DNAJC21: variants seen among roughly 807,000 people sequenced by gnomAD.
The protein encoded by DNAJC21 is dnaJ homolog subfamily C member 21.
Under a neutral mutation model 72.4 loss-of-function variants are expected in DNAJC21, and 63 were observed. That is an observed-to-expected ratio of 0.87 (90% CI 0.71 to 1.07). The LOEUF is 1.07. Ranked by LOEUF, DNAJC21 falls within the 50% of genes least tolerant of loss-of-function variation. DNAJC21 has a pLI of 0.00. For missense variants in DNAJC21, 634 were observed against 644.8 expected, an observed-to-expected ratio of 0.98 and a Z score of 0.18; for synonymous variants, 203 against 216.7, an observed-to-expected ratio of 0.94 and a Z score of 0.56.
chr5:34,936,036 T>C, intron 3 of DNAJC21, 108 bp from the exon 4 acceptor site: 1 of 1,496,976 alleles, frequency 6.7e-7, no homozygotes, highest in African/African-American at 1.4e-5. Flanking sequence ...GACTGAACTT[T>C]GTCCCAAAAT....
intron 4 of DNAJC21, among the ~76,000 whole-genome samples, chr5:34,937,036 C>T (rs1276891842): frequency 6.6e-6 from 1 of 152,206 alleles, no homozygotes; most frequent in Non-Finnish European, 1.5e-5. Context: ...CAGGCGTGAG[C>T]CACCATGCCT....
chr5:34,946,000 C>CATA (rs1158514157), intron 9 of DNAJC21, among the ~76,000 whole-genome samples, 197 bp downstream of exon 9: 1 of 151,944 alleles, frequency 6.6e-6, no homozygotes, highest in African/African-American at 2.4e-5. Context: ...TAATAACAAA[C>CATA]TTAATTATGA....
chr5:34,941,249 G>A, intron 7 of DNAJC21, 66 bp downstream of exon 7: 1 of 1,431,596 alleles, frequency 7.0e-7, no homozygotes, highest in Non-Finnish European at 9.7e-7. Context: ...CAAGGCAGGA[G>A]TGCAGTGGCA....
intron 10 of DNAJC21, chr5:34,951,387 C>T (rs1765359024): frequency 1.0e-6 from 1 of 985,340 alleles, no homozygotes; most frequent in Non-Finnish European, 1.2e-6. Flanking sequence ...ATCTGCCTGA[C>T]AACTTGAAGG....
intron 4 of DNAJC21, 89 bp from the exon 5 acceptor site, chr5:34,937,237 G>A (rs1764809237): frequency 2.2e-6 from 3 of 1,347,462 alleles, no homozygotes; most frequent in East Asian, 4.7e-5. Flanking sequence ...AAAAAGAAAG[G>A]TAAAAGATGT....
At chr5:34,939,468 T>C (rs111245834) in intron 6 of DNAJC21, among the ~76,000 whole-genome samples, 2 of 151,932 alleles carry the variant, frequency 1.3e-5, no homozygotes, top group African/African-American at 2.4e-5. Flanking sequence ...GGTTTCACCT[T>C]GTTAGCCAGG....
At chr5:34,948,932 G>T (rs916697836) in intron 9 of DNAJC21, among the ~76,000 whole-genome samples, 3 of 151,930 alleles carry the variant, frequency 2.0e-5, no homozygotes, top group African/African-American at 7.3e-5. Context: ...ATTAGTACAA[G>T]TGCAAATGAC....
intron 9 of DNAJC21, chr5:34,949,416 C>G: frequency 7.0e-7 from 1 of 1,419,912 alleles, no homozygotes; most frequent in Middle Eastern, 2.2e-4. Context: ...ATTACACCCC[C>G]TATCCTGTAT....
chr5:34,953,568 T>C (rs1053223438), intron 10 of DNAJC21: 6 of 156,712 alleles, frequency 3.8e-5, no homozygotes, highest in Admixed American at 1.3e-4. Flanking sequence ...TGGCAGTGTT[T>C]TTATGAAAAC....
In DNAJC21 at chr5:34,940,927, T is replaced by A. The variant is rs1169380077; in HGVS notation, c.896-169T>A. 2.6e-5 allele frequency among the ~76,000 whole-genome samples: 4 copies of A among 152,206 alleles called. No homozygotes were observed. The East Asian group carries it at 7.7e-4, about 29-fold the overall frequency. ...AACTTGAAAGTTAAGGTGCTTTATT[T>A]GGAGCCTTTCCTTATAGTACAGTGC... On this transcript the variant is annotated intron_variant, in intron 6 of 11. Transcript: ENST00000648817.
Position 34,950,749 on chromosome 5 carries a change from T to C in DNAJC21, c.1358+407T>C, listed in dbSNP as rs1049823096. On this transcript the variant is annotated intron_variant, in intron 10 of 11. Transcript: ENST00000648817. ...CAGCCTGTGTTGGGCCCCACCATGT[T>C]GTGAGGACACATGGCAGCAGCTGGG... The C allele has an allele frequency of 1.1e-5, 11 of 989,236 alleles. No individual in the cohort carries two copies. The African/African-American group carries it at 1.9e-4, about 17-fold the overall frequency. The allele number at this position is 989,236 out of a possible 1,614,324, so 61.3% of individuals were successfully genotyped here. A position where few individuals can be genotyped will look rare whatever the true frequency, so the allele number is the denominator to read the frequency against.
intron 4 of DNAJC21, among the ~76,000 whole-genome samples, chr5:34,936,749 T>C (rs1235950024): frequency 6.6e-6 from 1 of 152,266 alleles, no homozygotes; most frequent in African/African-American, 2.4e-5. Context: ...ATTTTTTATT[T>C]TATTTGTTTA....
chr5:34,939,251 A>G (rs994348430), intron 6 of DNAJC21, among the ~76,000 whole-genome samples: 2 of 152,048 alleles, frequency 1.3e-5, no homozygotes, highest in Non-Finnish European at 2.9e-5. Context: ...ACATGTTTAC[A>G]AGTGTGACTA....
rs1764774791 is a variant in DNAJC21 at position 34,936,280 on chromosome 5, G to A, written c.438+14G>A. ...GACTATGATACGGTAAAATAAAAAT[G>A]CATTGTTCTATAATTAGTATTTATC... On this transcript the variant is annotated intron_variant, in intron 4 of 11. Transcript: ENST00000648817. 2 of 1,603,576 alleles carry A rather than the reference G, an allele frequency of 1.2e-6. No individual in the cohort carries two copies. Among genetic ancestry groups the A allele is most frequent in the African/African-American group, 1.3e-5 (1 of 74,306 alleles).
At chr5:34,945,841 G>C in intron 9 of DNAJC21, 38 bp downstream of exon 9, 2 of 1,435,090 alleles carry the variant, frequency 1.4e-6, no homozygotes, top group Non-Finnish European at 1.9e-6. Context: ...AAATGCCAAC[G>C]ATAAAGTTGC....
At chr5:34,938,552 C>G (rs1263438015) in intron 5 of DNAJC21, among the ~76,000 whole-genome samples, 1 of 152,126 alleles carries the variant, frequency 6.6e-6, no homozygotes, top group Non-Finnish European at 1.5e-5. Context: ...CTCATCCCAC[C>G]CTCATCTTTT....
rs2112099640 is a variant in DNAJC21, at chr5:34,951,594, C to T, written c.1358+1252C>T. 3.1e-6 allele frequency: 3 copies of T among 973,994 alleles called. No individual in the cohort carries two copies. The East Asian group carries it at 3.4e-4, about 112-fold the overall frequency. The allele number at this position is 973,994 out of a possible 1,614,324, so 60.3% of individuals were successfully genotyped here. Reference sequence around the variant, plus strand: ...CCAGGCTGGAGTACAGTGGCGCAACCTCGGCTCACTGCAACCTCCGCCTCC... The same window carrying T: ...CCAGGCTGGAGTACAGTGGCGCAACTTCGGCTCACTGCAACCTCCGCCTCC... On this transcript the variant is annotated intron_variant, in intron 10 of 11. Transcript: ENST00000648817.
intron 7 of DNAJC21, among the ~76,000 whole-genome samples, chr5:34,943,569 G>T (rs551083839): frequency 5.1e-4 from 77 of 152,276 alleles, no homozygotes; most frequent in African/African-American, 1.7e-3. Context: ...GTTTTCCCTT[G>T]TAACATGTTT....
chr5:34,945,817 G>A lies in DNAJC21; in HGVS notation c.1185+14G>A. On this transcript the variant is annotated intron_variant, in intron 9 of 11. Transcript: ENST00000648817. ...AAACCAGCACAGGTATGTTAGAAAG[G>A]TTTTGTTAACATTAAATGCCAACGA... is the stretch of plus-strand genomic sequence containing the variant. 3.2e-6 allele frequency: 5 copies of A among 1,558,738 alleles called. No individual in the cohort carries two copies. Among genetic ancestry groups the A allele is most frequent in the Non-Finnish European group, 4.3e-6 (5 of 1,152,616 alleles).
Sources: allele counts gnomAD v4.1 joint callset (sites outside exome capture counted in the v4.1 genomes callset), GRCh38; gene constraint gnomAD v4.1.1; transcripts MANE v1.5; gene names NCBI Gene and HGNC (gene_info 2026-07-23, HGNC 2026-07-21).